The following IL21R variants were observed in gnomAD, a reference collection of about 807,000 sequenced individuals.
The protein encoded by IL21R is interleukin 21 receptor, also known as interleukin-21 receptor.
A neutral mutation model predicts 41.3 loss-of-function variants in IL21R; 14 were observed. That is an observed-to-expected ratio of 0.34 (90% CI 0.22 to 0.53). The LOEUF is 0.53. IL21R is among the 20% of genes least tolerant of loss of function. The pLI, the probability that IL21R is intolerant of heterozygous loss-of-function variation, is 0.94. For synonymous variants in IL21R, 286 were observed against 287.6 expected (o/e 0.99, Z 0.05); for missense variants, 588 against 681.6 (o/e 0.86, Z 1.53).
chr16:27,403,543 G>A (rs2141251248), intron 1 of IL21R, among the ~76,000 whole-genome samples: 1 of 152,332 alleles, frequency 6.6e-6, no homozygotes, highest in South Asian at 2.1e-4. Flanking sequence ...CTCACTCGGT[G>A]AACTTGGGCA....
intron 7 of IL21R, 139 bp from the exon 8 acceptor site, chr16:27,445,868 C>T: frequency 1.8e-6 from 1 of 555,004 alleles, no homozygotes; most frequent in Non-Finnish European, 3.2e-6. Flanking sequence ...AAACCAAGCC[C>T]CAGGGAAGGA....
chr16:27,429,997 G>C, intron 1 of IL21R, 59 bp from the exon 2 acceptor site: 1 of 1,429,528 alleles, frequency 7.0e-7, no homozygotes, highest in Non-Finnish European at 9.7e-7. Flanking sequence ...CAGGATGAGG[G>C]GGAGGCCGGG....
chr16:27,449,885 C>G lies in IL21R; in HGVS notation c.*602C>G. 4.3e-6 allele frequency: 1 copy of G among 233,786 alleles called. No individual in the cohort carries two copies. The highest frequency in any genetic ancestry group is 6.0e-5 in the East Asian group (1 of 16,556). 14.5% of individuals were successfully genotyped at this position (233,786 alleles called of 1,614,324 possible). ...GGCAATTTTTTGGGCGGCCCCTGGA[C>G]GAAGGTCTGAATCCCGACTCTGATA... On this transcript the variant is annotated 3_prime_UTR_variant, in exon 9 of 9. Coordinates refer to ENST00000337929, the MANE Select transcript of IL21R (RefSeq NM_181078.3).
intron 8 of IL21R, chr16:27,447,680 A>G (rs1360209438): frequency 6.6e-6 from 1 of 152,256 alleles, no homozygotes; most frequent in African/African-American, 2.4e-5. Flanking sequence ...TTCGTTAATA[A>G]ACATTTATTG....
At position 27,449,315 on chromosome 16, in the gene IL21R, G is replaced by T; in HGVS notation, c.*32G>T. On this transcript the variant is annotated 3_prime_UTR_variant, in exon 9 of 9. Coordinates refer to ENST00000337929, the MANE Select transcript of IL21R (RefSeq NM_181078.3). ...TGACTGGATGTCCAGAGCTGGCCAGGCCACTGGGCCCTGAGCCAGAGACAA... is the reference window on the plus strand; with the variant it reads ...TGACTGGATGTCCAGAGCTGGCCAGTCCACTGGGCCCTGAGCCAGAGACAA... The T allele has an allele frequency of 6.5e-7, 1 of 1,545,630 alleles. No individual in the cohort carries two copies. The highest frequency in any genetic ancestry group is 8.7e-7 in the Non-Finnish European group (1 of 1,148,600).
chr16:27,437,353 A>G (rs1296748144), intron 3 of IL21R, 135 bp from the exon 4 acceptor site: 4 of 684,980 alleles, frequency 5.8e-6, no homozygotes, highest in Non-Finnish European at 1.0e-5. Context: ...GGACCAGGTG[A>G]CCACCCCCCA....
At chr16:27,403,749 C>T (rs995382168) in intron 1 of IL21R, among the ~76,000 whole-genome samples, 2 of 152,110 alleles carry the variant, frequency 1.3e-5, no homozygotes, top group Admixed American at 6.5e-5. Context: ...GAGACGGGCC[C>T]GACTCCAAGA....
chr16:27,429,833 C>CG (rs1303923464), intron 1 of IL21R, among the ~76,000 whole-genome samples: 1 of 152,108 alleles, frequency 6.6e-6, no homozygotes, highest in Non-Finnish European at 1.5e-5. Flanking sequence ...CGTGATGGGG[C>CG]GGGGGCAGGA....
chr16:27,450,127 C>A lies in IL21R; in HGVS notation c.*844C>A. ...GGGTGAGAACATCAATCGTCAGCGA[C>A]AGCCTGGGCACCCGCGGGGCCGTCC... On this transcript the variant is annotated 3_prime_UTR_variant, in exon 9 of 9. Coordinates refer to ENST00000337929, the MANE Select transcript of IL21R (RefSeq NM_181078.3). 4.3e-6 allele frequency: 1 copy of A among 232,932 alleles called. No individual in the cohort carries two copies. The highest frequency in any genetic ancestry group is 8.5e-6 in the Non-Finnish European group (1 of 117,824). 14.4% of individuals were successfully genotyped at this position (232,932 alleles called of 1,614,324 possible).
intron 1 of IL21R, among the ~76,000 whole-genome samples, chr16:27,419,327 T>A (rs1596573270): frequency 6.6e-6 from 1 of 152,168 alleles, no homozygotes; most frequent in African/African-American, 2.4e-5. Flanking sequence ...CACTGGAAGG[T>A]CTTCAGTGGC....
intron 2 of IL21R, 81 bp downstream of exon 2, chr16:27,430,201 T>G (rs774109134): frequency 9.0e-6 from 11 of 1,226,584 alleles, no homozygotes; most frequent in Non-Finnish European, 1.3e-5. Flanking sequence ...CTTTCTGGGC[T>G]CAAAAACACG....
intron 3 of IL21R, among the ~76,000 whole-genome samples, 169 bp from the exon 4 acceptor site, chr16:27,437,319 A>G (rs1196100440): frequency 6.6e-6 from 1 of 152,006 alleles, no homozygotes; most frequent in Non-Finnish European, 1.5e-5. Context: ...GGGAGGTGAT[A>G]CCTTCCCTGG....
Position 27,435,434 on chromosome 16 carries a change from TTTTTATTTTATTTTA to T in IL21R, c.152+1005_152+1019del, listed in dbSNP as rs377373260. Reference sequence around the variant, plus strand: ...AAACAACCAACAAGGTGCTTTCTCTTTTTTATTTTATTTTATTTTATTTTATTTTATTTTTTTGAG... The same window carrying T: ...AAACAACCAACAAGGTGCTTTCTCTTTTTTATTTTATTTTATTTTTTTGAG... On this transcript the variant is annotated intron_variant, in intron 3 of 8. Transcript: ENST00000337929. Among the ~76,000 whole-genome samples the T allele has an allele frequency of 5.4e-3, 818 of 151,242 alleles. 10 individuals carry two copies. Among genetic ancestry groups the T allele is most frequent in the African/African-American group, 0.019 (781 of 41,112 alleles).
At chr16:27,427,707 C>T (rs1356717077) in intron 1 of IL21R, among the ~76,000 whole-genome samples, 2 of 152,076 alleles carry the variant, frequency 1.3e-5, no homozygotes, top group African/African-American at 2.4e-5. Flanking sequence ...GTGACGGGGA[C>T]AGAGCTATGT....
chr16:27,430,723 G>A (rs2087156243), intron 2 of IL21R, among the ~76,000 whole-genome samples: 1 of 152,126 alleles, frequency 6.6e-6, no homozygotes, highest in Non-Finnish European at 1.5e-5. Flanking sequence ...GCTGAGGCGG[G>A]AGGATTGCTT....
intron 1 of IL21R, 33 bp downstream of exon 1, chr16:27,402,651 G>A (rs1345896770): frequency 1.3e-5 from 2 of 155,264 alleles, no homozygotes; most frequent in Non-Finnish European, 2.9e-5. Context: ...GCTGGGACCA[G>A]GGTGCCTTCT....
rs145570469 is a variant in IL21R at position 27,419,587 on chromosome 16, C to T, written c.-16-10469C>T. ...GAATTACAAGCACACACCACCGTGCCTGGCTAATTTTTGTATTTTTAGTAG... is the reference window on the plus strand; with the variant it reads ...GAATTACAAGCACACACCACCGTGCTTGGCTAATTTTTGTATTTTTAGTAG... On this transcript the variant is annotated intron_variant, in intron 1 of 8. Transcript: ENST00000337929. 7.3e-3 allele frequency among the ~76,000 whole-genome samples: 1,115 copies of T among 152,244 alleles called. 17 individuals are homozygous for T. Among genetic ancestry groups the T allele is most frequent in the African/African-American group, 0.026 (1,072 of 41,548 alleles).
rs2087598967 is a variant in IL21R, at chr16:27,451,556, AT to A, written c.*2279del. On this transcript the variant is annotated 3_prime_UTR_variant, in exon 9 of 9. Transcript: ENST00000337929. Reference sequence around the variant, plus strand: ...AGGCCCCATCTCTACAAAAATTATTATTTTTTAAAAAAATTAGCCAGGTGTG... The same window carrying A: ...AGGCCCCATCTCTACAAAAATTATTATTTTTAAAAAAATTAGCCAGGTGTG... The A allele has an allele frequency of 4.8e-6, 1 of 207,146 alleles. No homozygotes were observed. 12.8% of individuals were successfully genotyped at this position (207,146 alleles called of 1,614,324 possible).
intron 1 of IL21R, chr16:27,403,216 G>C: frequency 2.2e-6 from 3 of 1,338,282 alleles, no homozygotes; most frequent in Admixed American, 2.2e-5. Context: ...GGAACGGGTC[G>C]GATGGTAAGA....
Sources: gnomAD v4.1 joint callset for allele counts (sites outside exome capture counted in the v4.1 genomes callset) on GRCh38, gnomAD v4.1.1 for gene constraint, MANE v1.5 for transcripts, NCBI Gene and HGNC (gene_info 2026-07-23, HGNC 2026-07-21) for gene names.